The following MEGF10 variants were observed in gnomAD, a reference collection of about 807,000 sequenced individuals.
MEGF10 encodes multiple epidermal growth factor-like domains protein 10.
MEGF10 carries 86 observed loss-of-function variants against 147.5 expected under a neutral mutation model. The observed-to-expected ratio is 0.58, with a 90% CI of 0.49 to 0.70. MEGF10 has a LOEUF of 0.70. Ranked by LOEUF, MEGF10 falls within the 30% of genes least tolerant of loss-of-function variation. MEGF10 has a pLI of 0.00. For missense variants in MEGF10, 1,329 were observed against 1,487.3 expected (o/e 0.89, Z 1.75); for synonymous variants, 478 against 525.5 (o/e 0.91, Z 1.24).
rs979096644 is a variant in MEGF10 at position 127,460,247 on chromosome 5, T to A, written c.*2929T>A. On this transcript the variant is annotated 3_prime_UTR_variant, in exon 25 of 25. Transcript: ENST00000503335. The stretch of plus-strand genomic sequence containing the variant: ...CAGAAAATTTATAAGTTATTTGTAT[T>A]TATATATAAGTACATCAGAACTTGC... 1 of 152,190 alleles carries A rather than the reference T, an allele frequency of 6.6e-6. No homozygotes were observed. The highest frequency in any genetic ancestry group is 6.5e-5 in the Admixed American group (1 of 15,270). The allele number at this position is 152,190 out of a possible 1,614,324, so 9.4% of individuals were successfully genotyped here. A position where few individuals can be genotyped will look rare whatever the true frequency, so the allele number is the denominator to read the frequency against.
intron 5 of MEGF10, among the ~76,000 whole-genome samples, chr5:127,373,723 G>A (rs1561602399): frequency 6.6e-6 from 1 of 152,162 alleles, no homozygotes; most frequent in Non-Finnish European, 1.5e-5. Context: ...CAGGAGATTG[G>A]AGTAATGAGG....
intron 9 of MEGF10, among the ~76,000 whole-genome samples, chr5:127,415,852 G>A (rs1228136622): frequency 6.9e-6 from 1 of 145,082 alleles, no homozygotes; most frequent in Non-Finnish European, 1.5e-5. Flanking sequence ...AGCTGAGATC[G>A]TGCCACTGCA....
rs548191034 is a variant in MEGF10 at position 127,318,793 on chromosome 5, G to GCAAA, written c.-18-12484_-18-12481dup. ...GTTGTAAAACTATGTATGCCCAATTGCAAACAAACAAACAAACTCAAACTC... is the reference window on the plus strand; with the variant it reads ...GTTGTAAAACTATGTATGCCCAATTGCAAACAAACAAACAAACAAACTCAAACTC... On this transcript the variant is annotated intron_variant, in intron 1 of 24. Transcript: ENST00000503335. Among the ~76,000 whole-genome samples the GCAAA allele has an allele frequency of 1.2e-4, 18 of 152,156 alleles. 1 individual carries two copies. Among genetic ancestry groups the GCAAA allele is most frequent in the Admixed American group, 1.0e-3 (16 of 15,272 alleles).
In MEGF10 at chr5:127,460,750, T is replaced by C. The variant is rs1766531531; in HGVS notation, c.*3432T>C. The stretch of plus-strand genomic sequence containing the variant: ...TAAAAAATCAAGTTTTAAGGTTATA[T>C]TTTTTAAAATAATGAATTTTCTATC... On this transcript the variant is annotated 3_prime_UTR_variant, in exon 25 of 25. Transcript: ENST00000503335. The C allele has an allele frequency of 6.6e-6, 1 of 152,210 alleles. No individual in the cohort carries two copies. The highest frequency in any genetic ancestry group is 2.1e-4 in the South Asian group (1 of 4,832). The allele number at this position is 152,210 out of a possible 1,614,324, so 9.4% of individuals were successfully genotyped here. A position where few individuals can be genotyped will look rare whatever the true frequency, so the allele number is the denominator to read the frequency against.
At chr5:127,452,710 T>A (rs899566511) in intron 22 of MEGF10, among the ~76,000 whole-genome samples, 10 of 152,158 alleles carry the variant, frequency 6.6e-5, no homozygotes, top group African/African-American at 2.4e-4. Flanking sequence ...CACTATCCGG[T>A]GTATCCCTGG....
At chr5:127,247,398 GAAGAA>G in the MEGF10 span, among the ~76,000 whole-genome samples, 1 of 47,656 alleles carries the variant, frequency 2.1e-5, no homozygotes, top group Non-Finnish European at 4.2e-5. Flanking sequence ...AGAAGAAGAA[GAAGAA>G]GAAGAAGAAG....
intron 7 of MEGF10, among the ~76,000 whole-genome samples, chr5:127,400,625 C>T (rs576013998): frequency 6.6e-6 from 1 of 152,178 alleles, no homozygotes; most frequent in Non-Finnish European, 1.5e-5. Flanking sequence ...GATCTTCAGG[C>T]CTTTTACTCC....
At chr5:127,316,847 T>C (rs1477773063) in intron 1 of MEGF10, among the ~76,000 whole-genome samples, 1 of 152,074 alleles carries the variant, frequency 6.6e-6, no homozygotes, top group Non-Finnish European at 1.5e-5. Context: ...TGTTTCAGGG[T>C]GTTACAGGAG....
intron 9 of MEGF10, among the ~76,000 whole-genome samples, chr5:127,416,492 T>C (rs1764785217): frequency 6.6e-6 from 1 of 152,152 alleles, no homozygotes; most frequent in Non-Finnish European, 1.5e-5. Flanking sequence ...AAACCTACAC[T>C]CAAGAAACCA....
chr5:127,248,382 T>C, the MEGF10 span, among the ~76,000 whole-genome samples: 1 of 151,950 alleles, frequency 6.6e-6, no homozygotes, highest in African/African-American at 2.4e-5. Flanking sequence ...TAACAAAGAT[T>C]TAAAAAAATA....
intron 1 of MEGF10, among the ~76,000 whole-genome samples, chr5:127,292,233 C>G (rs1437188987): frequency 1.3e-5 from 2 of 152,168 alleles, no homozygotes; most frequent in East Asian, 3.8e-4. Context: ...CTGGGTTCAG[C>G]TCACAACTCT....
the MEGF10 span, among the ~76,000 whole-genome samples, chr5:127,259,885 G>A: frequency 6.6e-6 from 1 of 152,050 alleles, no homozygotes; most frequent in African/African-American, 2.4e-5. Flanking sequence ...GGCCGGGCAC[G>A]GTGGCTCATG....
chr5:127,288,494 G>A (rs1759100832), upstream of MEGF10, among the ~76,000 whole-genome samples: 1 of 152,104 alleles, frequency 6.6e-6, no homozygotes, highest in Non-Finnish European at 1.5e-5. Flanking sequence ...CATCTTTTAT[G>A]GTCACCATCA....
intron 7 of MEGF10, 89 bp downstream of exon 7, chr5:127,398,885 C>A: frequency 6.5e-7 from 1 of 1,542,912 alleles, no homozygotes; most frequent in South Asian, 1.2e-5. Flanking sequence ...GACTTTAGCA[C>A]AAAGGAAAGT....
chr5:127,444,155 G>T (rs554688460), intron 19 of MEGF10, among the ~76,000 whole-genome samples: 1 of 152,208 alleles, frequency 6.6e-6, no homozygotes, highest in African/African-American at 2.4e-5. Context: ...CCTCCAGAGA[G>T]CCACAGCTCT....
At chr5:127,356,870 G>A (rs74776185) in intron 4 of MEGF10, among the ~76,000 whole-genome samples, 2,648 of 152,212 alleles carry the variant, frequency 0.017, 64 homozygotes, top group Middle Eastern at 0.095. Flanking sequence ...AAAGGCTCTG[G>A]GAATGCCTGC....
chr5:127,352,088 A>T (rs1458827220), intron 4 of MEGF10, among the ~76,000 whole-genome samples: 1 of 150,244 alleles, frequency 6.7e-6, no homozygotes, highest in African/African-American at 2.5e-5. Flanking sequence ...CCCAGTAAAA[A>T]TATATATAAA....
chr5:127,297,744 G>A (rs970546), intron 1 of MEGF10, among the ~76,000 whole-genome samples: 94,693 of 152,038 alleles, frequency 0.62, 29,755 homozygotes, highest in Middle Eastern at 0.76. Context: ...TACTATCTGC[G>A]TTAAAGGAAC....
At position 127,459,947 on chromosome 5, in the gene MEGF10, CA is replaced by C. The variant is rs1766503672; in HGVS notation, c.*2633del. 1 of 152,118 alleles carries C rather than the reference CA, an allele frequency of 6.6e-6. No individual in the cohort carries two copies. The highest frequency in any genetic ancestry group is 2.4e-5 in the African/African-American group (1 of 41,438). The allele number at this position is 152,118 out of a possible 1,614,324, so 9.4% of individuals were successfully genotyped here. A position where few individuals can be genotyped will look rare whatever the true frequency, so the allele number is the denominator to read the frequency against. ...GTTAGAATGAGAATTAAAGAGAAAA[CA>C]AAAGAATCTTGGCAAAATTTTCCCT... On this transcript the variant is annotated 3_prime_UTR_variant, in exon 25 of 25. Transcript: ENST00000503335.
Sources: gnomAD v4.1 joint callset for allele counts (sites outside exome capture counted in the v4.1 genomes callset) on GRCh38, gnomAD v4.1.1 for gene constraint, MANE v1.5 for transcripts, NCBI Gene and HGNC (gene_info 2026-07-23, HGNC 2026-07-21) for gene names.